GRIK4: variants seen among roughly 807,000 people sequenced by gnomAD.
The protein encoded by GRIK4 is glutamate receptor ionotropic, kainate 4.
In GRIK4, 40 loss-of-function variants were observed where a neutral mutation model predicts 104.9. The observed-to-expected ratio is 0.38, with a 90% CI of 0.30 to 0.50. The LOEUF is 0.50. Among genes scored for constraint, GRIK4 ranks in the 20% least tolerant of loss-of-function variants. The pLI, the probability that GRIK4 is intolerant of heterozygous loss-of-function variation, is 0.93. For synonymous variants in GRIK4, 485 were observed against 524.9 expected, an observed-to-expected ratio of 0.92 and a Z score of 1.04; for missense variants, 1,047 against 1,308.1, an observed-to-expected ratio of 0.80 and a Z score of 3.08.
chr11:120,767,737 T>A (rs1811978796), intron 3 of GRIK4, among the ~76,000 whole-genome samples: 1 of 152,190 alleles, frequency 6.6e-6, no homozygotes, highest in Non-Finnish European at 1.5e-5. Flanking sequence ...TGGTGTAAGA[T>A]AAGGGTCCAA....
chr11:120,864,205 TTTTATTTATTTATTTATTTA>T (rs140150638), intron 9 of GRIK4, among the ~76,000 whole-genome samples: 61 of 137,772 alleles, frequency 4.4e-4, no homozygotes, highest in African/African-American at 1.2e-3. Context: ...GTATTTTTAT[TTTTATTTATTTATTTATTTA>T]TTTATTTATT....
At chr11:120,637,935 A>C (rs1479254318) in intron 1 of GRIK4, among the ~76,000 whole-genome samples, 1 of 152,060 alleles carries the variant, frequency 6.6e-6, no homozygotes. Flanking sequence ...GCTGGAGTGC[A>C]ATGGCGTGAT....
intron 13 of GRIK4, chr11:120,936,064 T>TTCG (rs111339004): frequency 3.8e-5 from 7 of 184,800 alleles, no homozygotes; most frequent in South Asian, 3.7e-4. Flanking sequence ...CTTCTTCATC[T>TTCG]TCCTCCTCCT....
chr11:120,898,545 A>T lies in GRIK4; in HGVS notation c.1178A>T (p.His393Leu), dbSNP rs886921654. ...RNGFRQIGQWHVAEGLSMDSH... is the reference protein window; with the variant it reads ...RNGFRQIGQWLVAEGLSMDSH... Reference sequence around the variant, plus strand: ...TGGTCTCCTCAGATCGGCCAGTGGCACGTGGCAGAGGGCCTCAGCATGGAC... The same window carrying T: ...TGGTCTCCTCAGATCGGCCAGTGGCTCGTGGCAGAGGGCCTCAGCATGGAC... Residue 393 changes from histidine (H) to leucine (L), a missense_variant, in exon 12 of 21, where the codon CAC (histidine) becomes CTC (leucine). By Grantham distance (99) the His-to-Leu change is moderately conservative. Around this residue, in one of 3 missense-constraint regions of GRIK4, gnomAD observed 440 missense variants for 652.3 expected, o/e 0.67. Transcript: ENST00000527524. The T allele has an allele frequency of 1.2e-6, 2 of 1,600,880 alleles. No individual in the cohort carries two copies. The highest frequency in any genetic ancestry group is 3.3e-5 in the Admixed American group (2 of 60,006).
At chr11:120,671,512 C>T (rs117389246) in intron 3 of GRIK4, among the ~76,000 whole-genome samples, 2,830 of 152,120 alleles carry the variant, frequency 0.019, 40 homozygotes, top group South Asian at 0.036. Context: ...GTTTGTTGGC[C>T]GCGTAAATGT....
intron 1 of GRIK4, among the ~76,000 whole-genome samples, chr11:120,600,814 G>A (rs541431567): frequency 6.6e-6 from 1 of 152,330 alleles, no homozygotes; most frequent in South Asian, 2.1e-4. Context: ...TGTAATCCTA[G>A]CACTTTGGGA....
At chr11:120,917,480 A>C (rs774530077) in intron 13 of GRIK4, among the ~76,000 whole-genome samples, 1 of 152,094 alleles carries the variant, frequency 6.6e-6, no homozygotes, top group Non-Finnish European at 1.5e-5. Flanking sequence ...GGCATGTAAG[A>C]TAATAAAGTG....
At chr11:120,861,735 T>G (rs1954268704) in intron 8 of GRIK4, among the ~76,000 whole-genome samples, 1 of 152,136 alleles carries the variant, frequency 6.6e-6, no homozygotes, top group African/African-American at 2.4e-5. Context: ...TGTATATAAC[T>G]TGTGTAGAGA....
intron 3 of GRIK4, among the ~76,000 whole-genome samples, chr11:120,749,859 A>G (rs774644002): frequency 4.6e-5 from 7 of 152,058 alleles, no homozygotes; most frequent in Non-Finnish European, 7.4e-5. Flanking sequence ...TATGCTATTA[A>G]TTTTTTGCTG....
chr11:120,970,882 G>A (rs1046197083), intron 19 of GRIK4, among the ~76,000 whole-genome samples: 2 of 152,194 alleles, frequency 1.3e-5, no homozygotes, highest in African/African-American at 4.8e-5. Context: ...GATAGGTTTT[G>A]AATGGACATT....
intron 11 of GRIK4, among the ~76,000 whole-genome samples, chr11:120,884,868 C>T (rs541141993): frequency 1.3e-5 from 2 of 152,258 alleles, no homozygotes; most frequent in East Asian, 1.9e-4. Flanking sequence ...CTCAGGCCAT[C>T]GCAGAAAGCT....
intron 19 of GRIK4, among the ~76,000 whole-genome samples, chr11:120,977,118 G>A (rs78474864): frequency 0.044 from 6,728 of 152,288 alleles, 223 homozygotes; most frequent in Non-Finnish European, 0.068. Context: ...CGGGCAATCT[G>A]CGGGTGACAC....
intron 3 of GRIK4, among the ~76,000 whole-genome samples, chr11:120,750,179 C>A (rs1205314372): frequency 6.6e-6 from 1 of 151,898 alleles, no homozygotes; most frequent in Admixed American, 6.6e-5. Context: ...CAATGGCAAC[C>A]CTGAAAGAGG....
intron 1 of GRIK4, among the ~76,000 whole-genome samples, chr11:120,572,395 G>A (rs932957652): frequency 6.6e-6 from 1 of 152,204 alleles, no homozygotes; most frequent in African/African-American, 2.4e-5. Context: ...GCAGGTCAGG[G>A]AGTAGAGCGT....
chr11:120,782,775 G>T (rs1952184287), intron 3 of GRIK4, among the ~76,000 whole-genome samples: 1 of 152,108 alleles, frequency 6.6e-6, no homozygotes, highest in Admixed American at 6.5e-5. Context: ...CATGAAAAGG[G>T]TCCACGCCGG....
chr11:120,977,726 G>C (rs1023516260), intron 19 of GRIK4, among the ~76,000 whole-genome samples: 3 of 152,182 alleles, frequency 2.0e-5, no homozygotes, highest in Non-Finnish European at 4.4e-5. Flanking sequence ...AGACTATGGG[G>C]TGTTTCAGTG....
At position 120,900,005 on chromosome 11, in the gene GRIK4, G is replaced by A. The variant is rs535377219; in HGVS notation, c.1272+1366G>A. Among the ~76,000 whole-genome samples, 24 of 152,270 alleles carry A rather than the reference G, an allele frequency of 1.6e-4. No individual in the cohort carries two copies. The South Asian group carries it at 5.0e-3, about 32-fold the overall frequency. On this transcript the variant is annotated intron_variant, in intron 12 of 20. Coordinates refer to ENST00000527524, the MANE Select transcript of GRIK4 (RefSeq NM_014619.5). ...GAACTCCTGGGGCCCAGGCGCCCTG[G>A]GCTGAAATGATTGATCTACTATAAA...
chr11:120,926,702 A>G (rs935492190), intron 13 of GRIK4, among the ~76,000 whole-genome samples: 3 of 152,216 alleles, frequency 2.0e-5, no homozygotes, highest in Non-Finnish European at 4.4e-5. Context: ...CATTCATTCA[A>G]TCATGACTTC....
chr11:120,950,658 C>T (rs1943979009), intron 14 of GRIK4, among the ~76,000 whole-genome samples: 2 of 152,150 alleles, frequency 1.3e-5, no homozygotes, highest in South Asian at 2.1e-4. Context: ...TAGGCATGAT[C>T]GGCTCCTTTA....
Sources: gnomAD v4.1 joint callset for allele counts (sites outside exome capture counted in the v4.1 genomes callset) on GRCh38, gnomAD v4.1.1 for gene constraint, gnomAD v4.1.1 regional missense constraint, MANE v1.5 for transcripts, NCBI Gene and HGNC (gene_info 2026-07-23, HGNC 2026-07-21) for gene names.